RBM38: variants seen among roughly 807,000 people sequenced by gnomAD.
RBM38 encodes RNA binding motif protein 38.
RBM38 carries 11 observed loss-of-function variants against 23.5 expected under a neutral mutation model. The observed-to-expected ratio is 0.47, with a 90% CI of 0.29 to 0.77. RBM38 has a LOEUF of 0.77. Among genes scored for constraint, RBM38 ranks in the 30% least tolerant of loss-of-function variants. The probability of loss-of-function intolerance (pLI) is 0.08; values close to 1 mark genes in which losing one functional copy is unlikely to be tolerated. For missense variants in RBM38, 330 were observed against 351.9 expected (o/e 0.94, Z 0.50); for synonymous variants, 165 against 166.1 (o/e 0.99, Z 0.05).
chr20:57,407,767 C>T lies in RBM38; in HGVS notation c.641C>T (p.Ala214Val). 1 of 1,608,864 alleles carries T rather than the reference C, an allele frequency of 6.2e-7. No individual in the cohort carries two copies. The highest frequency in any genetic ancestry group is 8.5e-7 in the Non-Finnish European group (1 of 1,178,830). ...GYSYPAAVPQ[A>V]LSAAAPAGTT... Reference sequence around the variant, plus strand: ...AGCTACCCTGCCGCCGTGCCCCAGGCCCTCTCAGCCGCAGCACCCGCGGGC... The same window carrying T: ...AGCTACCCTGCCGCCGTGCCCCAGGTCCTCTCAGCCGCAGCACCCGCGGGC... The change falls in exon 4 of 4, where the codon GCC becomes GTC. Residue 214 changes from alanine to valine, a missense_variant. This residue lies in a region of RBM38 where 227 missense variants were observed against 216.4 expected (regional missense o/e 1.05). Coordinates refer to ENST00000356208, the MANE Select transcript of RBM38 (RefSeq NM_017495.6). This position sits in a 1 kb window ranked among gnomAD's most constrained non-coding sequence, Gnocchi z 4.0.
intron 1 of RBM38, among the ~76,000 whole-genome samples, 194 bp downstream of exon 1, chr20:57,392,012 G>GCCCCCGCCCCCA (rs1296014122): frequency 5.0e-5 from 4 of 79,586 alleles, no homozygotes; most frequent in Non-Finnish European, 9.8e-5. Flanking sequence ...CCAGGCCCCG[G>GCCCCCGCCCCCA]CCCCCACCCC....
intron 3 of RBM38, among the ~76,000 whole-genome samples, chr20:57,395,314 G>A (rs141647781): frequency 1.3e-5 from 2 of 152,216 alleles, no homozygotes; most frequent in African/African-American, 2.4e-5. Flanking sequence ...GTGCCTGAAC[G>A]CATGCTTTCT....
chr20:57,407,922 C>T lies in RBM38; in HGVS notation c.*76C>T, dbSNP rs949641830. On this transcript the variant is annotated 3_prime_UTR_variant, in exon 4 of 4. Transcript: ENST00000356208. The surrounding 1 kb of genome is among the most constrained non-coding windows in gnomAD (Gnocchi z 4.0). ...GAGCTGCCAGGCCATGATGGGCTGG[C>T]GACAGCCCGGCTGAGCTTCAGTGAG... The T allele has an allele frequency of 1.6e-5, 23 of 1,475,908 alleles. No homozygotes were observed. The highest frequency in any genetic ancestry group is 9.9e-5 in the East Asian group (4 of 40,310). The allele number at this position is 1,475,908 out of a possible 1,614,324, so 91.4% of individuals were successfully genotyped here.
intron 3 of RBM38, among the ~76,000 whole-genome samples, chr20:57,396,614 C>T (rs559225993): frequency 2.0e-5 from 3 of 152,314 alleles, no homozygotes; most frequent in South Asian, 2.1e-4. Flanking sequence ...CCTTGACTCC[C>T]GTTCACAGAG....
intron 3 of RBM38, 52 bp downstream of exon 3, chr20:57,393,385 G>A: frequency 7.6e-6 from 12 of 1,571,848 alleles, no homozygotes; most frequent in Non-Finnish European, 1.1e-5. Flanking sequence ...ATGAAGTGGA[G>A]AGGGCCTTGG....
intron 3 of RBM38, among the ~76,000 whole-genome samples, chr20:57,398,956 A>G (rs1232574544): frequency 6.6e-6 from 1 of 152,224 alleles, no homozygotes; most frequent in Non-Finnish European, 1.5e-5. Flanking sequence ...GGAGCTGGAC[A>G]CTGGGTCAGC....
chr20:57,404,128 A>T (rs759553278), intron 3 of RBM38, among the ~76,000 whole-genome samples: 1 of 152,192 alleles, frequency 6.6e-6, no homozygotes, highest in Non-Finnish European at 1.5e-5. Flanking sequence ...TCTGGCCCCG[A>T]TGATGTGGGG....
chr20:57,398,537 GC>G (rs1246697348), intron 3 of RBM38, among the ~76,000 whole-genome samples: 9 of 147,234 alleles, frequency 6.1e-5, no homozygotes, highest in Non-Finnish European at 1.2e-4. Context: ...TCTCGTGGTG[GC>G]CCCGCCGCCC....
Position 57,406,513 on chromosome 20 carries a change from G to A in RBM38, c.417-1030G>A, listed in dbSNP as rs564561880. Among the ~76,000 whole-genome samples, 17 of 152,296 alleles carry A rather than the reference G, an allele frequency of 1.1e-4. 1 individual carries two copies. The highest frequency in any genetic ancestry group is 3.9e-4 in the East Asian group (2 of 5,162). ...CTCATGATGGGAAGACCAAGCCGACGGGGTGACGCACCCAGTCACAGTACG... is the reference window on the plus strand; with the variant it reads ...CTCATGATGGGAAGACCAAGCCGACAGGGTGACGCACCCAGTCACAGTACG... On this transcript the variant is annotated intron_variant, in intron 3 of 3. Transcript: ENST00000356208.
intron 1 of RBM38, chr20:57,392,353 C>T (rs1361504911): frequency 2.9e-6 from 4 of 1,395,956 alleles, no homozygotes; most frequent in African/African-American, 1.4e-5. Flanking sequence ...TCCAGGCGGC[C>T]CCCCAAGCTC....
chr20:57,397,819 G>A (rs533039606), intron 3 of RBM38, among the ~76,000 whole-genome samples: 3 of 152,320 alleles, frequency 2.0e-5, no homozygotes, highest in South Asian at 2.1e-4. Context: ...CCCCGATCTC[G>A]TGCTCACATT....
intron 3 of RBM38, among the ~76,000 whole-genome samples, chr20:57,395,857 GCGGCCAGTTTTGT>G (rs1198744112): frequency 6.6e-6 from 1 of 152,186 alleles, no homozygotes; most frequent in Non-Finnish European, 1.5e-5. Context: ...GCCTGACTCA[GCGGCCAGTTTTGT>G]CGGCCTTGGG....
Position 57,407,330 on chromosome 20 carries a change from A to C in RBM38, c.417-213A>C, listed in dbSNP as rs1273738704. ...AGGCCTTGCTGAGAAGGAGACATGG[A>C]GTGGAGGAGGGAGCCTGGTGGTTAG... On this transcript the variant is annotated intron_variant, in intron 3 of 3. Transcript: ENST00000356208. The surrounding 1 kb of genome is among the most constrained non-coding windows in gnomAD (Gnocchi z 4.0). Among the ~76,000 whole-genome samples, 3 of 151,960 alleles carry C rather than the reference A, an allele frequency of 2.0e-5. No individual in the cohort carries two copies. Among genetic ancestry groups the C allele is most frequent in the African/African-American group, 7.3e-5 (3 of 41,364 alleles).
At chr20:57,396,752 T>C (rs576845480) in intron 3 of RBM38, among the ~76,000 whole-genome samples, 230 of 152,244 alleles carry the variant, frequency 1.5e-3, no homozygotes, top group African/African-American at 5.3e-3. Context: ...TTGCCAAATG[T>C]CCCCTGGATT....
chr20:57,402,131 G>C (rs2067334455), intron 3 of RBM38, among the ~76,000 whole-genome samples: 1 of 152,146 alleles, frequency 6.6e-6, no homozygotes, highest in Non-Finnish European at 1.5e-5. Context: ...ATTTTTAGTA[G>C]AGATGGGGTT....
intron 3 of RBM38, among the ~76,000 whole-genome samples, chr20:57,404,231 C>T (rs1159129726): frequency 6.6e-6 from 1 of 152,240 alleles, no homozygotes; most frequent in Non-Finnish European, 1.5e-5. Flanking sequence ...TTCTGTGTCC[C>T]TGGTCTGGGC....
intron 3 of RBM38, among the ~76,000 whole-genome samples, chr20:57,403,577 A>G (rs6099605): frequency 0.096 from 14,519 of 151,396 alleles, 2,189 homozygotes; most frequent in African/African-American, 0.32. Context: ...GCCTCTCTGA[A>G]CCTCGGATTT....
At chr20:57,406,053 C>A (rs2067380366) in intron 3 of RBM38, among the ~76,000 whole-genome samples, 2 of 152,232 alleles carry the variant, frequency 1.3e-5, no homozygotes, top group African/African-American at 4.8e-5. Flanking sequence ...CCAGGCGGGC[C>A]TGGCCTGTGT....
intron 3 of RBM38, among the ~76,000 whole-genome samples, chr20:57,394,868 CT>C (rs2067258681): frequency 6.6e-6 from 1 of 152,144 alleles, no homozygotes; most frequent in African/African-American, 2.4e-5. Flanking sequence ...GCCTGCAGCT[CT>C]TTTCTGCTTA....
Sources: gnomAD v4.1 joint callset for allele counts (sites outside exome capture counted in the v4.1 genomes callset) on GRCh38, gnomAD v4.1.1 for gene constraint, gnomAD v4.1.1 regional missense constraint, Gnocchi (gnomAD v3.1) non-coding constraint, MANE v1.5 for transcripts, NCBI Gene and HGNC (gene_info 2026-07-23, HGNC 2026-07-21) for gene names.